The following ACSF2 variants were observed in gnomAD, a reference collection of about 807,000 sequenced individuals.
The protein encoded by ACSF2 is acyl-CoA synthetase family member 2.
In ACSF2, 52 loss-of-function variants were observed where a neutral mutation model predicts 79.3. The observed-to-expected ratio is 0.66, with a 90% CI of 0.53 to 0.83. The LOEUF (loss-of-function observed/expected upper bound fraction) is 0.83. Ranked by LOEUF, ACSF2 falls within the 40% of genes least tolerant of loss-of-function variation. The pLI is 0.00. For synonymous variants in ACSF2, 283 were observed against 312.6 expected (o/e 0.91, Z 1.00); for missense variants, 661 against 803.3 (o/e 0.82, Z 2.14).
chr17:50,430,510 A>G (rs1040487811), intron 1 of ACSF2, among the ~76,000 whole-genome samples: 21 of 152,276 alleles, frequency 1.4e-4, no homozygotes, highest in Admixed American at 9.2e-4. Flanking sequence ...TACTAAAAAT[A>G]CAAAATTAGC....
chr17:50,462,003 T>C (rs2143708954), intron 4 of ACSF2, among the ~76,000 whole-genome samples, 181 bp from the exon 5 acceptor site: 1 of 151,762 alleles, frequency 6.6e-6, no homozygotes, highest in East Asian at 1.9e-4. Flanking sequence ...GTGTGGTGTG[T>C]GTGTCTCGGG....
At chr17:50,472,191 C>A in intron 11 of ACSF2, 1 of 501,866 alleles carries the variant, frequency 2.0e-6, no homozygotes, top group South Asian at 2.8e-5. Context: ...GTTTCCTCAG[C>A]CCTCCCAGCC....
At chr17:50,430,653 A>G (rs1879790959) in intron 1 of ACSF2, among the ~76,000 whole-genome samples, 2 of 152,226 alleles carry the variant, frequency 1.3e-5, no homozygotes, top group South Asian at 4.1e-4. Context: ...CGACAGAGCG[A>G]GACTCTGTCT....
rs1914974588 is a variant in ACSF2, at chr17:50,426,334, G to A, written c.73G>A (p.Ala25Thr). The A allele has an allele frequency of 1.4e-6, 2 of 1,425,280 alleles. No individual in the cohort carries two copies. The highest frequency in any genetic ancestry group is 1.6e-5 in the South Asian group (1 of 63,176). 88.3% of individuals were successfully genotyped at this position (1,425,280 alleles called of 1,614,324 possible). A position where few individuals can be genotyped will look rare whatever the true frequency, so the allele number is the denominator to read the frequency against. ...AGSSGVLGARAALSRSWQEAR... is the reference protein window; with the variant it reads ...AGSSGVLGARTALSRSWQEAR... The stretch of plus-strand genomic sequence containing the variant: ...GAGCTCGGGGGTGCTGGGGGCCCGG[G>A]CCGCCCTCTCTCGGAGTTGGCAGGA... The change falls in exon 1 of 16, where the codon GCC (alanine) becomes ACC (threonine). Residue 25 changes from alanine (A) to threonine (T), a missense_variant. Ala to Thr is a moderately conservative substitution (Grantham distance 58). Transcript: ENST00000300441.
At chr17:50,468,896 C>T in intron 10 of ACSF2, 3 of 1,432,088 alleles carry the variant, frequency 2.1e-6, no homozygotes, top group East Asian at 2.6e-5. Flanking sequence ...CTCGGGTCTG[C>T]CGCCCTCTTT....
intron 1 of ACSF2, among the ~76,000 whole-genome samples, chr17:50,447,792 T>C (rs2031395705): frequency 6.6e-6 from 1 of 152,196 alleles, no homozygotes; most frequent in African/African-American, 2.4e-5. Flanking sequence ...AGCAAGCCTC[T>C]GTGGAAAGTA....
intron 10 of ACSF2, among the ~76,000 whole-genome samples, chr17:50,466,431 G>A (rs2032733664): frequency 6.6e-6 from 1 of 152,236 alleles, no homozygotes; most frequent in Non-Finnish European, 1.5e-5. Context: ...AACGGAAAAA[G>A]CGCAGTCCTT....
Position 50,426,235 on chromosome 17 carries a change from G to T in ACSF2, c.-27G>T, listed in dbSNP as rs577795948. On this transcript the variant is annotated 5_prime_UTR_variant, in exon 1 of 16. Coordinates refer to ENST00000300441, the MANE Select transcript of ACSF2 (RefSeq NM_025149.6). ...CCCGGCTCACTTTAAAAGTTTACTC[G>T]GGCCGGGACGCAGGGCAAAGCGAGC... 4 of 1,300,560 alleles carry T rather than the reference G, an allele frequency of 3.1e-6. No homozygotes were observed. Among genetic ancestry groups the T allele is most frequent in the African/African-American group, 1.5e-5 (1 of 65,820 alleles). 80.6% of individuals were successfully genotyped at this position (1,300,560 alleles called of 1,614,324 possible). A position where few individuals can be genotyped will look rare whatever the true frequency, so the allele number is the denominator to read the frequency against.
chr17:50,471,125 C>T lies in ACSF2; in HGVS notation c.1313C>T (p.Pro438Leu). Reference protein sequence around the residue: ...QKAESVGRIMPHTEARIMNME... With the variant: ...QKAESVGRIMLHTEARIMNME... ...GCAGAAAGCGTGGGCAGAATTATGCCTCACACGGAGGTGAGCCCCTGACCA... is the reference window on the plus strand; with the variant it reads ...GCAGAAAGCGTGGGCAGAATTATGCTTCACACGGAGGTGAGCCCCTGACCA... Residue 438 changes from proline (P) to leucine (L), a missense_variant, in exon 11 of 16, where the codon CCT (proline) becomes CTT (leucine). Coordinates refer to ENST00000300441, the MANE Select transcript of ACSF2 (RefSeq NM_025149.6). This position sits in a 1 kb window ranked among gnomAD's most constrained non-coding sequence, Gnocchi z 4.1. 1 of 1,613,950 alleles carries T rather than the reference C, an allele frequency of 6.2e-7. No homozygotes were observed. Among genetic ancestry groups the T allele is most frequent in the Non-Finnish European group, 8.5e-7 (1 of 1,179,898 alleles).
intron 1 of ACSF2, among the ~76,000 whole-genome samples, chr17:50,445,065 C>A (rs1270124091): frequency 6.6e-6 from 1 of 152,050 alleles, no homozygotes; most frequent in Admixed American, 6.6e-5. Context: ...CAGGTGCATG[C>A]CACTACCCCT....
chr17:50,445,521 A>C (rs531180849), intron 1 of ACSF2, among the ~76,000 whole-genome samples: 2 of 152,046 alleles, frequency 1.3e-5, no homozygotes, highest in African/African-American at 4.8e-5. Context: ...CAGGCTGGGC[A>C]TGGTGGCTCA....
Position 50,474,404 on chromosome 17 carries a change from G to A in ACSF2, c.1798-98G>A. The A allele has an allele frequency of 6.6e-7, 1 of 1,517,370 alleles. No homozygotes were observed. 94.0% of individuals were successfully genotyped at this position (1,517,370 alleles called of 1,614,324 possible). A position where few individuals can be genotyped will look rare whatever the true frequency, so the allele number is the denominator to read the frequency against. The stretch of plus-strand genomic sequence containing the variant: ...GGGTCACCTAATCCTGGTTTGCCTG[G>A]GGACTTTCCCTGTTTTGGCACTAAG... On this transcript the variant is annotated intron_variant, in intron 15 of 15. Coordinates refer to ENST00000300441, the MANE Select transcript of ACSF2 (RefSeq NM_025149.6). The surrounding 1 kb of genome is among the most constrained non-coding windows in gnomAD (Gnocchi z 4.2).
At chr17:50,467,887 C>T (rs736911) in intron 10 of ACSF2, 369,843 of 675,788 alleles carry the variant, frequency 0.55, 106,298 homozygotes, top group African/African-American at 0.82. Flanking sequence ...TGTGACAAGG[C>T]GAGGAAGGGA....
At chr17:50,453,541 T>C (rs891820304) in intron 1 of ACSF2, among the ~76,000 whole-genome samples, 3 of 152,108 alleles carry the variant, frequency 2.0e-5, no homozygotes, top group Admixed American at 6.6e-5. Context: ...TATTAGTGTG[T>C]CTCAAAGAAA....
rs956844505 is a variant in ACSF2, at chr17:50,471,977, C to T, written c.1324-451C>T. Among the ~76,000 whole-genome samples, 4 of 152,188 alleles carry T rather than the reference C, an allele frequency of 2.6e-5. No individual in the cohort carries two copies. Among genetic ancestry groups the T allele is most frequent in the Non-Finnish European group, 2.9e-5 (2 of 68,032 alleles). On this transcript the variant is annotated intron_variant, in intron 11 of 15. Coordinates refer to ENST00000300441, the MANE Select transcript of ACSF2 (RefSeq NM_025149.6). This position sits in a 1 kb window ranked among gnomAD's most constrained non-coding sequence, Gnocchi z 4.1. ...CACAGAGGCTCAGCTTTCCTTGGCA[C>T]GGTGGCCGTGGCTCTTTTCTCTACC...
chr17:50,426,533 C>A, intron 1 of ACSF2, 144 bp downstream of exon 1: 1 of 1,110,170 alleles, frequency 9.0e-7, no homozygotes. Context: ...CCCGCCAGCA[C>A]CTAGGCAATA....
intron 1 of ACSF2, among the ~76,000 whole-genome samples, chr17:50,435,553 G>A (rs1031444854): frequency 1.5e-4 from 22 of 151,396 alleles, no homozygotes; most frequent in Non-Finnish European, 2.9e-5. Flanking sequence ...TAGGACTATG[G>A]GTACACGCCA....
chr17:50,470,031 T>C (rs1316790702), intron 10 of ACSF2: 2 of 152,304 alleles, frequency 1.3e-5, no homozygotes, highest in Non-Finnish European at 2.9e-5. Flanking sequence ...GCACAGGATA[T>C]TGTCTGTGAT....
At chr17:50,431,244 A>G (rs1405608030) in intron 1 of ACSF2, among the ~76,000 whole-genome samples, 3 of 152,208 alleles carry the variant, frequency 2.0e-5, no homozygotes, top group Non-Finnish European at 2.9e-5. Context: ...AATGCTGTAC[A>G]TTGCTGCAGT....
Sources: gnomAD v4.1 joint callset for allele counts (sites outside exome capture counted in the v4.1 genomes callset) on GRCh38, gnomAD v4.1.1 for gene constraint, Gnocchi (gnomAD v3.1) non-coding constraint, MANE v1.5 for transcripts, NCBI Gene and HGNC (gene_info 2026-07-23, HGNC 2026-07-21) for gene names.